Variants in GPHN observed in about 807,000 individuals in gnomAD.
The protein encoded by GPHN is gephyrin.
Under a neutral mutation model 95.5 loss-of-function variants are expected in GPHN, and 17 were observed. The ratio of observed to expected loss-of-function variants is 0.18; its 90% CI spans 0.12 to 0.27. The LOEUF is 0.27. Ranked by LOEUF, GPHN falls within the 10% of genes least tolerant of loss-of-function variation. GPHN has a pLI of 1.00. For synonymous variants in GPHN, 320 were observed against 322.5 expected (o/e 0.99, Z 0.08); for missense variants, 660 against 978.1 (o/e 0.67, Z 4.34).
chr14:67,413,055 G>C, the GPHN span, among the ~76,000 whole-genome samples: 2 of 152,116 alleles, frequency 1.3e-5, no homozygotes, highest in African/African-American at 4.8e-5. Context: ...GAGCCACCGT[G>C]TAAGACCTAG....
chr14:66,770,961 A>G (rs1011402418), intron 2 of GPHN, among the ~76,000 whole-genome samples: 2 of 152,128 alleles, frequency 1.3e-5, no homozygotes, highest in African/African-American at 2.4e-5. Flanking sequence ...CTTGGAACAT[A>G]TCCCGTATAG....
At chr14:66,587,294 A>G (rs1244743933) in intron 1 of GPHN, among the ~76,000 whole-genome samples, 1 of 152,226 alleles carries the variant, frequency 6.6e-6, no homozygotes, top group East Asian at 1.9e-4. Context: ...TCTGAACTTT[A>G]CAAACATTTA....
chr14:67,306,360 T>C, the GPHN span, among the ~76,000 whole-genome samples: 1 of 152,164 alleles, frequency 6.6e-6, no homozygotes, highest in Admixed American at 6.5e-5. Flanking sequence ...TTTTGTTTTT[T>C]TTGAGACAGA....
At chr14:66,628,772 T>C (rs189016094) in intron 1 of GPHN, among the ~76,000 whole-genome samples, 43 of 152,176 alleles carry the variant, frequency 2.8e-4, no homozygotes, top group Non-Finnish European at 8.8e-5. Flanking sequence ...CAAAAATGTT[T>C]TATTTCTGGC....
the GPHN span, among the ~76,000 whole-genome samples, chr14:67,269,398 C>T: frequency 2.0e-5 from 3 of 152,012 alleles, no homozygotes; most frequent in Admixed American, 1.3e-4. Context: ...GGAGTAGAAT[C>T]GCTGATATGG....
At chr14:66,881,333 T>C (rs183966724) in intron 5 of GPHN, among the ~76,000 whole-genome samples, 77 of 152,032 alleles carry the variant, frequency 5.1e-4, no homozygotes, top group Admixed American at 9.8e-4. Flanking sequence ...CCATTACTTA[T>C]ATTACCTACA....
chr14:66,537,809 T>C (rs574641683), intron 1 of GPHN, among the ~76,000 whole-genome samples: 1 of 152,152 alleles, frequency 6.6e-6, no homozygotes, highest in African/African-American at 2.4e-5. Context: ...AAAAACTTAT[T>C]GGTACAGAAT....
At chr14:67,378,314 CTTTTTTTT>C in the GPHN span, among the ~76,000 whole-genome samples, 1 of 107,630 alleles carries the variant, frequency 9.3e-6, no homozygotes, top group Non-Finnish European at 1.9e-5. Flanking sequence ...TCTCATGTGA[CTTTTTTTT>C]TTTTTTTTTT....
intron 16 of GPHN, among the ~76,000 whole-genome samples, chr14:67,120,542 CAG>C (rs149008671): frequency 0.043 from 6,609 of 152,028 alleles, 184 homozygotes; most frequent in Middle Eastern, 0.068. Flanking sequence ...AGCAAAATAA[CAG>C]AGAGGAACAT....
At chr14:66,732,829 A>C (rs1305314233) in intron 2 of GPHN, among the ~76,000 whole-genome samples, 2 of 152,014 alleles carry the variant, frequency 1.3e-5, no homozygotes, top group Non-Finnish European at 2.9e-5. Flanking sequence ...TTTTTATTTT[A>C]CCTGCTTATA....
At chr14:67,469,531 C>T in the GPHN span, among the ~76,000 whole-genome samples, 1 of 145,730 alleles carries the variant, frequency 6.9e-6, no homozygotes, top group Admixed American at 7.2e-5. Context: ...AGTAATCCTC[C>T]TGCTTCAGCC....
intron 1 of GPHN, among the ~76,000 whole-genome samples, chr14:66,662,659 G>T (rs946677979): frequency 6.6e-6 from 1 of 152,184 alleles, no homozygotes; most frequent in Non-Finnish European, 1.5e-5. Context: ...TTCGGAATGT[G>T]GATAAAATTG....
chr14:67,212,161 G>A, the GPHN span, among the ~76,000 whole-genome samples: 3 of 152,138 alleles, frequency 2.0e-5, no homozygotes, highest in African/African-American at 7.2e-5. Flanking sequence ...TACATTGTAA[G>A]GTTCTGAGAA....
At chr14:66,900,226 G>A (rs1337629412) in intron 5 of GPHN, among the ~76,000 whole-genome samples, 1 of 151,312 alleles carries the variant, frequency 6.6e-6, no homozygotes, top group Non-Finnish European at 1.5e-5. Flanking sequence ...CTGTTTTTCT[G>A]TTTTAAATTT....
At chr14:67,503,059 A>G in the GPHN span, among the ~76,000 whole-genome samples, 3 of 152,174 alleles carry the variant, frequency 2.0e-5, no homozygotes, top group East Asian at 5.8e-4. Context: ...TTAGCAGACA[A>G]GCAGATAACC....
At chr14:67,413,229 G>C in the GPHN span, among the ~76,000 whole-genome samples, 1 of 152,120 alleles carries the variant, frequency 6.6e-6, no homozygotes, top group Admixed American at 6.6e-5. Flanking sequence ...TACTGATTCT[G>C]TCTAACAATC....
the GPHN span, among the ~76,000 whole-genome samples, chr14:67,366,580 A>G: frequency 2.0e-5 from 3 of 152,242 alleles, no homozygotes; most frequent in Non-Finnish European, 4.4e-5. Flanking sequence ...AATGCGTGCA[A>G]TGCAATTTTA....
At chr14:67,039,987 T>C (rs2074617917) in intron 10 of GPHN, among the ~76,000 whole-genome samples, 1 of 152,036 alleles carries the variant, frequency 6.6e-6, no homozygotes, top group African/African-American at 2.4e-5. Flanking sequence ...CTCAAAGAGG[T>C]GATAATCTAG....
At chr14:67,011,097 A>G (rs1033362968) in intron 9 of GPHN, among the ~76,000 whole-genome samples, 1 of 152,134 alleles carries the variant, frequency 6.6e-6, no homozygotes, top group Non-Finnish European at 1.5e-5. Context: ...GAAATGTTTC[A>G]AATGTTATAT....
Sources: allele counts gnomAD v4.1 joint callset (sites outside exome capture counted in the v4.1 genomes callset), GRCh38; gene constraint gnomAD v4.1.1; transcripts MANE v1.5; gene names NCBI Gene and HGNC (gene_info 2026-07-23, HGNC 2026-07-21).